The following ZMYM1 variants were observed in gnomAD, a reference collection of about 807,000 sequenced individuals.
The protein encoded by ZMYM1 is zinc finger MYM-type containing 1.
A neutral mutation model predicts 60.0 loss-of-function variants in ZMYM1; 39 were observed. The ratio of observed to expected loss-of-function variants is 0.65; its 90% CI spans 0.50 to 0.85. The LOEUF is 0.85. Ranked by LOEUF, ZMYM1 falls within the 40% of genes least tolerant of loss-of-function variation. The probability of loss-of-function intolerance (pLI) is 0.00; values close to 1 mark genes in which losing one functional copy is unlikely to be tolerated. For missense variants in ZMYM1, 1,171 were observed against 1,309.5 expected (o/e 0.89, Z 1.63); for synonymous variants, 413 against 454.0 (o/e 0.91, Z 1.15).
Position 35,114,356 on chromosome 1 carries a change from C to T in ZMYM1, c.2526C>T (p.Phe842=), listed in dbSNP as rs763128535. Residue 842 remains phenylalanine (F), a synonymous_variant, in exon 10 of 10, where the codon TTC becomes TTT. Transcript: ENST00000359858. Reference sequence around the variant, plus strand: ...CAAGCCATTCTTCAAATACAAGTTTCGCCGATGAATTGAGTCATTTGCTGA... The same window carrying T: ...CAAGCCATTCTTCAAATACAAGTTTTGCCGATGAATTGAGTCATTTGCTGA... ...VIASHSSNTS[F]ADELSHLLTL... 6.2e-6 allele frequency: 10 copies of T among 1,611,972 alleles called. No homozygotes were observed. The highest frequency in any genetic ancestry group is 1.7e-4 in the Middle Eastern group (1 of 6,048).
At chr1:35,095,201 C>G (rs1433707074) in intron 2 of ZMYM1, among the ~76,000 whole-genome samples, 2 of 151,822 alleles carry the variant, frequency 1.3e-5, no homozygotes, top group African/African-American at 4.8e-5. Flanking sequence ...AGACAATTAG[C>G]TGTTAATGAT....
chr1:35,114,567 T>C lies in ZMYM1; in HGVS notation c.2737T>C (p.Trp913Arg). The C allele has an allele frequency of 6.2e-7, 1 of 1,610,764 alleles. No individual in the cohort carries two copies. Among genetic ancestry groups the C allele is most frequent in the South Asian group, 1.1e-5 (1 of 90,436 alleles). ...ERNDVYFKTI[W>R]DGTEEICQKI... ...AAATGACGTATACTTTAAAACAATC[T>C]GGGATGGAACAGAGGAAATATGTCA... Residue 913 changes from tryptophan (W) to arginine (R), a missense_variant, in exon 10 of 10, where the codon TGG (tryptophan) becomes CGG (arginine). Physicochemically the swap from Trp to Arg is moderately radical, Grantham distance 101 (BLOSUM62 -3). Transcript: ENST00000359858.
chr1:35,094,864 G>T (rs1042602179), intron 2 of ZMYM1, among the ~76,000 whole-genome samples: 7 of 151,854 alleles, frequency 4.6e-5, no homozygotes, highest in Admixed American at 2.0e-4. Flanking sequence ...ACAAAAAAAA[G>T]GAATGTTTGT....
At chr1:35,111,678 A>G in intron 7 of ZMYM1, 94 bp from the exon 8 acceptor site, 1 of 1,215,420 alleles carries the variant, frequency 8.2e-7, no homozygotes, top group Non-Finnish European at 1.1e-6. Context: ...AAGCTATTAG[A>G]TGCTTGCATT....
intron 1 of ZMYM1, among the ~76,000 whole-genome samples, chr1:35,079,798 T>C (rs1318976320): frequency 1.3e-5 from 2 of 152,184 alleles, no homozygotes; most frequent in Non-Finnish European, 2.9e-5. Context: ...CTCTCCTTCA[T>C]TGAGCAGTGA....
chr1:35,066,234 G>A (rs889949331), intron 1 of ZMYM1, among the ~76,000 whole-genome samples: 1 of 152,194 alleles, frequency 6.6e-6, no homozygotes, highest in Non-Finnish European at 1.5e-5. Context: ...TCTCTCTCTT[G>A]TTGCCCAGGC....
intron 1 of ZMYM1, among the ~76,000 whole-genome samples, chr1:35,083,489 T>C (rs1642499169): frequency 6.6e-6 from 1 of 152,206 alleles, no homozygotes; most frequent in Non-Finnish European, 1.5e-5. Flanking sequence ...TTTTCACCAG[T>C]GTAACTATGA....
At chr1:35,064,009 C>G (rs930721104) in intron 1 of ZMYM1, among the ~76,000 whole-genome samples, 4 of 152,096 alleles carry the variant, frequency 2.6e-5, no homozygotes, top group Non-Finnish European at 1.5e-5. Flanking sequence ...TCCAGTACAT[C>G]TGTAATCTGC....
intron 2 of ZMYM1, among the ~76,000 whole-genome samples, chr1:35,094,579 G>T (rs1389208175): frequency 3.9e-5 from 6 of 152,180 alleles, no homozygotes; most frequent in African/African-American, 1.4e-4. Flanking sequence ...ATATGGCCAG[G>T]CACAGTGGCT....
chr1:35,104,676 C>T lies in ZMYM1; in HGVS notation c.714C>T (p.Tyr238=), dbSNP rs1406467540. Residue 238 remains tyrosine (Y), a synonymous_variant, in exon 6 of 10, where the codon TAC becomes TAT. Transcript: ENST00000359858. ...IMNCCENCGT[Y]CYTSSSLSHI... ...ACTGCTGTGAGAACTGTGGCACTTA[C>T]TGTTACACCAGCTCTAGTCTGTCCC... 6.2e-7 allele frequency: 1 copy of T among 1,614,184 alleles called. No homozygotes were observed. The highest frequency in any genetic ancestry group is 1.3e-5 in the African/African-American group (1 of 75,062).
intron 4 of ZMYM1, among the ~76,000 whole-genome samples, chr1:35,099,693 C>T (rs189532602): frequency 2.1e-4 from 32 of 152,034 alleles, no homozygotes; most frequent in African/African-American, 7.2e-4. Flanking sequence ...TTTTATCTTC[C>T]AGTGAAACTA....
chr1:35,095,442 G>A (rs975168120), intron 2 of ZMYM1, among the ~76,000 whole-genome samples: 1 of 147,672 alleles, frequency 6.8e-6, no homozygotes, highest in African/African-American at 2.5e-5. Context: ...AGTGAGACGA[G>A]ATCGCGTCAC....
At chr1:35,109,863 C>T (rs965652343) in intron 6 of ZMYM1, among the ~76,000 whole-genome samples, 1 of 152,138 alleles carries the variant, frequency 6.6e-6, no homozygotes. Flanking sequence ...TCTCCTGCCT[C>T]AGCCTCCTGA....
chr1:35,061,554 A>C (rs919098794), intron 1 of ZMYM1, among the ~76,000 whole-genome samples: 2 of 152,122 alleles, frequency 1.3e-5, no homozygotes, highest in South Asian at 4.1e-4. Context: ...AGGCAGGCAG[A>C]TCACAAGGTC....
chr1:35,101,861 T>G (rs1250040305), intron 4 of ZMYM1, among the ~76,000 whole-genome samples: 1 of 152,182 alleles, frequency 6.6e-6, no homozygotes, highest in African/African-American at 2.4e-5. Context: ...ATTGATATTT[T>G]CTATAGTGGC....
At chr1:35,080,692 G>A (rs910939833) in intron 1 of ZMYM1, among the ~76,000 whole-genome samples, 4 of 151,850 alleles carry the variant, frequency 2.6e-5, no homozygotes, top group African/African-American at 9.7e-5. Flanking sequence ...TTAAAACCCA[G>A]CTCAAATTTC....
At chr1:35,065,055 G>T (rs888335932) in intron 1 of ZMYM1, among the ~76,000 whole-genome samples, 2 of 151,550 alleles carry the variant, frequency 1.3e-5, no homozygotes, top group Non-Finnish European at 2.9e-5. Flanking sequence ...TATTTTAATT[G>T]AACAAAAAAA....
chr1:35,105,599 A>G (rs1042012272), intron 6 of ZMYM1, among the ~76,000 whole-genome samples: 1 of 151,960 alleles, frequency 6.6e-6, no homozygotes, highest in African/African-American at 2.4e-5. Flanking sequence ...GTGCCCAGCT[A>G]TTTATTTTTT....
At position 35,104,367 on chromosome 1, in the gene ZMYM1, C is replaced by T. The variant is rs1339932235; in HGVS notation, c.492C>T (p.Ser164=). Residue 164 remains serine (S), a synonymous_variant, in exon 5 of 10, where the codon AGC becomes AGT. Coordinates refer to ENST00000359858, the MANE Select transcript of ZMYM1 (RefSeq NM_024772.5). ...CTACCTCTTGCAAAACTTTTTGCAG[C>T]CTATCTTGTCTTTCATCATATGAAG... ...EDTTSCKTFC[S]LSCLSSYEEK... 4 of 1,612,410 alleles carry T rather than the reference C, an allele frequency of 2.5e-6. No individual in the cohort carries two copies. In the Admixed American group the frequency reaches 5.1e-5, roughly 20 times the overall value.
Sources: gnomAD v4.1 joint callset for allele counts (sites outside exome capture counted in the v4.1 genomes callset) on GRCh38, gnomAD v4.1.1 for gene constraint, MANE v1.5 for transcripts, NCBI Gene and HGNC (gene_info 2026-07-23, HGNC 2026-07-21) for gene names.